The following TK2 variants were observed in gnomAD, a reference collection of about 807,000 sequenced individuals.
The protein encoded by TK2 is thymidine kinase 2.
In TK2, 35 loss-of-function variants were observed where a neutral mutation model predicts 41.9. That is an observed-to-expected ratio of 0.84 (90% CI 0.64 to 1.11). TK2 has a LOEUF of 1.11. TK2 is among the 50% of genes least tolerant of loss of function. The pLI, the probability that TK2 is intolerant of heterozygous loss-of-function variation, is 0.00. For synonymous variants in TK2, 128 were observed against 129.1 expected (o/e 0.99, Z 0.06); for missense variants, 320 against 351.1 (o/e 0.91, Z 0.71).
intron 4 of TK2, among the ~76,000 whole-genome samples, chr16:66,532,617 A>T (rs183377608): frequency 2.3e-3 from 343 of 152,072 alleles, no homozygotes; most frequent in African/African-American, 2.7e-3. Flanking sequence ...AAAAAAAAAT[A>T]AATTAATTAA....
At chr16:66,529,201 GCAGGAGGA>G in intron 5 of TK2, 134 bp from the exon 6 acceptor site, 1 of 846,744 alleles carries the variant, frequency 1.2e-6, no homozygotes, top group Non-Finnish European at 2.0e-6. Flanking sequence ...AGAGAGTGAA[GCAGGAGGA>G]CCTCCTCACT....
chr16:66,550,267 TG>T, upstream of TK2: 4 of 1,593,288 alleles, frequency 2.5e-6, no homozygotes, highest in Non-Finnish European at 3.4e-6. Flanking sequence ...GCTAGGACGC[TG>T]GCAGAACGCA....
rs1964648766 is a variant in TK2 at position 66,517,429 on chromosome 16, G to A, written c.539-214C>T. 1 of 633,874 alleles carries A rather than the reference G, an allele frequency of 1.6e-6. No individual in the cohort carries two copies. The highest frequency in any genetic ancestry group is 2.8e-6 in the Non-Finnish European group (1 of 353,320). The allele number at this position is 633,874 out of a possible 1,614,324, so 39.3% of individuals were successfully genotyped here. A position where few individuals can be genotyped will look rare whatever the true frequency, so the allele number is the denominator to read the frequency against. On this transcript the variant is annotated intron_variant, in intron 7 of 9. Coordinates refer to ENST00000544898, the MANE Select transcript of TK2 (RefSeq NM_004614.5). This position sits in a 1 kb window ranked among gnomAD's most constrained non-coding sequence, Gnocchi z 4.3. ...TCGTTTTGAGGCTGAATGGGATTCT[G>A]TTCATAGACAGAGCTCAAAACAGGC...
intron 2 of TK2, among the ~76,000 whole-genome samples, chr16:66,544,830 G>A (rs1015891010): frequency 1.3e-5 from 2 of 152,214 alleles, no homozygotes; most frequent in Non-Finnish European, 2.9e-5. Context: ...GCTCACGCCT[G>A]TAATCCCAGC....
chr16:66,549,621 C>A, intron 1 of TK2: 1 of 1,159,808 alleles, frequency 8.6e-7, no homozygotes, highest in Non-Finnish European at 1.1e-6. Context: ...CAGTCCCCAT[C>A]GCCCCCAAGG....
intron 9 of TK2, 52 bp downstream of exon 9, chr16:66,513,679 G>A: frequency 6.4e-7 from 1 of 1,554,422 alleles, no homozygotes; most frequent in Non-Finnish European, 8.9e-7. Context: ...CATTCCCCGG[G>A]TCACTCCTCT....
At chr16:66,548,899 G>T in intron 2 of TK2, 79 bp downstream of exon 2, 2 of 1,392,338 alleles carry the variant, frequency 1.4e-6, no homozygotes, top group Admixed American at 1.8e-5. Context: ...ATGTATTTTT[G>T]CTTTTTACTC....
intron 3 of TK2, among the ~76,000 whole-genome samples, chr16:66,540,162 C>A (rs893886136): frequency 7.0e-6 from 1 of 142,382 alleles, no homozygotes; most frequent in Non-Finnish European, 1.5e-5. Context: ...TCTTTTCTTT[C>A]TTTCTTTTTT....
At position 66,530,909 on chromosome 16, in the gene TK2, G is replaced by A. The variant is rs1395161046; in HGVS notation, c.375+471C>T. Among the ~76,000 whole-genome samples, 5 of 152,156 alleles carry A rather than the reference G, an allele frequency of 3.3e-5. No individual in the cohort carries two copies. The East Asian group carries it at 5.8e-4, about 18-fold the overall frequency. On this transcript the variant is annotated intron_variant, in intron 5 of 9. Transcript: ENST00000544898. ...ACTAATTTTTGTATTTTTTAGTAGA[G>A]ATGGGGTTTCACCATGTTGGCCAGG...
chr16:66,544,640 G>A (rs1965551195), intron 2 of TK2, among the ~76,000 whole-genome samples: 1 of 152,160 alleles, frequency 6.6e-6, no homozygotes, highest in Non-Finnish European at 1.5e-5. Context: ...CTGTGATTAC[G>A]CTACAATTTA....
intron 6 of TK2, among the ~76,000 whole-genome samples, chr16:66,527,494 C>T (rs1255907705): frequency 6.6e-6 from 1 of 152,162 alleles, no homozygotes; most frequent in Non-Finnish European, 1.5e-5. Context: ...CCTCATCCAA[C>T]AATAGCTAAC....
chr16:66,549,978 GC>G lies in TK2; in HGVS notation c.83del (p.Gly28AlafsTer25), dbSNP rs1567544188. 1 of 1,499,628 alleles carries G rather than the reference GC, an allele frequency of 6.7e-7. No individual in the cohort carries two copies. Among genetic ancestry groups the G allele is most frequent in the Admixed American group, 2.3e-5 (1 of 43,864 alleles). The allele number at this position is 1,499,628 out of a possible 1,614,324, so 92.9% of individuals were successfully genotyped here. On this transcript the variant is annotated frameshift_variant, in exon 1 of 10. Transcript: ENST00000544898. LOFTEE classifies it high-confidence loss of function. Reference protein sequence around the residue: ...GPGSRGSPASGPGPRRVQRRA... With the variant: ...GPGSRGSPASXPGPRRVQRRA... ...GGCGCTGCACCCTCCGCGGCCCGGG[GC>G]CTGAGGCCGGGCTCCCGCGACTTCC...
chr16:66,544,780 C>A (rs1176012101), intron 2 of TK2, among the ~76,000 whole-genome samples: 1 of 152,150 alleles, frequency 6.6e-6, no homozygotes, highest in South Asian at 2.1e-4. Context: ...ATTAAGCATT[C>A]TTGTGCTAAG....
At position 66,517,784 on chromosome 16, in the gene TK2, C is replaced by G. The variant is rs1346859024; in HGVS notation, c.538+5G>C. 1 of 1,613,782 alleles carries G rather than the reference C, an allele frequency of 6.2e-7. No individual in the cohort carries two copies. Among genetic ancestry groups the G allele is most frequent in the South Asian group, 1.1e-5 (1 of 91,074 alleles). On this transcript the variant is annotated splice_donor_5th_base_variant and intron_variant, in intron 7 of 9. Transcript: ENST00000544898. The surrounding 1 kb of genome is among the most constrained non-coding windows in gnomAD (Gnocchi z 4.3). ...AGAGAGGGAGGTGGGAGGGGTGCATCTCACCTATCAAATCAACAGACACGT... is the reference window on the plus strand; with the variant it reads ...AGAGAGGGAGGTGGGAGGGGTGCATGTCACCTATCAAATCAACAGACACGT...
chr16:66,549,791 G>T (rs928017336), intron 1 of TK2, 147 bp downstream of exon 1: 1 of 1,285,154 alleles, frequency 7.8e-7, no homozygotes. Context: ...AACGGCCGAT[G>T]GCCGCCCCCG....
chr16:66,512,090 C>G (rs1463995092), intron 9 of TK2, 24 bp from the exon 10 acceptor site: 2 of 1,597,690 alleles, frequency 1.3e-6, no homozygotes, highest in Non-Finnish European at 1.7e-6. Flanking sequence ...ACATGGGTCA[C>G]AAGGCTGCAC....
At chr16:66,540,875 T>A (rs1965436363) in intron 3 of TK2, among the ~76,000 whole-genome samples, 1 of 152,240 alleles carries the variant, frequency 6.6e-6, no homozygotes. Context: ...ACAGTGGCCA[T>A]GAGCCACAGG....
rs1965699785 is a variant in TK2, at chr16:66,549,135, T to C, written c.125-126A>G. 1.9e-6 allele frequency: 3 copies of C among 1,541,150 alleles called. No homozygotes were observed. The African/African-American group carries it at 4.2e-5, about 21-fold the overall frequency. On this transcript the variant is annotated intron_variant, in intron 1 of 9. Coordinates refer to ENST00000544898, the MANE Select transcript of TK2 (RefSeq NM_004614.5). ...TCCCTGGCCTAAAAACATTTTCCAT[T>C]TTGGGCGCCCTCCGAGATTGGAGGC...
chr16:66,550,042 C>T lies in TK2; in HGVS notation c.20G>A (p.Arg7Gln), dbSNP rs1351090941. 6.4e-7 allele frequency: 1 copy of T among 1,564,228 alleles called. No homozygotes were observed. Among genetic ancestry groups the T allele is most frequent in the South Asian group, 1.2e-5 (1 of 85,422 alleles). ...GCGCAGCGCCCGGGCGGCCCAGCCC[C>T]GCAGCGGCCACAGCAGCATAGCCGG... The part of the protein sequence containing the change: MLLWPL[R>Q]GWAARALRCF... The change falls in exon 1 of 10, where the codon CGG becomes CAG. Residue 7 changes from arginine to glutamine, a missense_variant. By Grantham distance (43) the Arg-to-Gln change is conservative. Coordinates refer to ENST00000544898, the MANE Select transcript of TK2 (RefSeq NM_004614.5).
Sources: gnomAD v4.1 joint callset for allele counts (sites outside exome capture counted in the v4.1 genomes callset) on GRCh38, gnomAD v4.1.1 for gene constraint, Gnocchi (gnomAD v3.1) non-coding constraint, MANE v1.5 for transcripts, NCBI Gene and HGNC (gene_info 2026-07-23, HGNC 2026-07-21) for gene names.